SCLT1: variants seen among roughly 807,000 people sequenced by gnomAD.
The protein encoded by SCLT1 is sodium channel-associated protein 1.
Under a neutral mutation model 112.8 loss-of-function variants are expected in SCLT1, and 78 were observed. The observed-to-expected ratio is 0.69, with a 90% CI of 0.58 to 0.83. The LOEUF (loss-of-function observed/expected upper bound fraction) is 0.83, where lower values mean the gene tolerates loss of function less well. SCLT1 is among the 40% of genes least tolerant of loss of function. The pLI is 0.00. For synonymous variants in SCLT1, 257 were observed against 254.7 expected (o/e 1.01, Z -0.09); for missense variants, 747 against 770.4 (o/e 0.97, Z 0.36).
intron 5 of SCLT1, among the ~76,000 whole-genome samples, chr4:129,029,539 A>AG (rs1291252994): frequency 7.8e-6 from 1 of 127,806 alleles, no homozygotes; most frequent in East Asian, 2.6e-4. Flanking sequence ...GGGTGGAGGG[A>AG]GGGGGGAGGG....
chr4:129,009,391 G>A (rs1370867923), intron 5 of SCLT1, among the ~76,000 whole-genome samples: 1 of 152,098 alleles, frequency 6.6e-6, no homozygotes, highest in Non-Finnish European at 1.5e-5. Context: ...GTGGGCACCT[G>A]TAGTCCCAGC....
intron 5 of SCLT1, among the ~76,000 whole-genome samples, chr4:129,029,041 G>C (rs969759272): frequency 3.9e-5 from 6 of 152,158 alleles, no homozygotes; most frequent in African/African-American, 1.2e-4. Flanking sequence ...GTGCTGGAGA[G>C]GATGCGGAGA....
At chr4:128,884,569 G>A (rs1455058889) in intron 20 of SCLT1, 30 bp from the exon 21 acceptor site, 2 of 1,442,594 alleles carry the variant, frequency 1.4e-6, no homozygotes, top group Admixed American at 3.4e-5. Flanking sequence ...TCGGTAAGTA[G>A]TTACTTTTTC....
chr4:128,892,559 A>G (rs1190874758), intron 18 of SCLT1, among the ~76,000 whole-genome samples: 1 of 152,210 alleles, frequency 6.6e-6, no homozygotes. Flanking sequence ...AAAACTTGGT[A>G]AGCCTCTCAA....
intron 5 of SCLT1, chr4:129,036,960 A>G (rs892488286): frequency 1.3e-5 from 2 of 152,022 alleles, no homozygotes; most frequent in Non-Finnish European, 2.9e-5. Flanking sequence ...ACAAAAAATG[A>G]TGTATCAGAT....
In SCLT1 at chr4:128,928,249, G is replaced by A. The variant is rs1033797176; in HGVS notation, c.1829+8406C>T. ...TAAAATATACGAGATTACAGAAAAA[G>A]AAGGGCTACTCTCCAATTTGTTTTT... On this transcript the variant is annotated intron_variant, in intron 18 of 20. Coordinates refer to ENST00000281142, the MANE Select transcript of SCLT1 (RefSeq NM_144643.4). Among the ~76,000 whole-genome samples, 4 of 151,794 alleles carry A rather than the reference G, an allele frequency of 2.6e-5. 1 individual carries two copies. Among genetic ancestry groups the A allele is most frequent in the African/African-American group, 9.7e-5 (4 of 41,360 alleles).
chr4:129,001,372 CA>C (rs1314334420), intron 6 of SCLT1, among the ~76,000 whole-genome samples: 1 of 151,882 alleles, frequency 6.6e-6, no homozygotes, highest in East Asian at 1.9e-4. Flanking sequence ...ATCCATGTTT[CA>C]AAAAGCCCTC....
chr4:128,907,349 G>C (rs1469959858), intron 18 of SCLT1, among the ~76,000 whole-genome samples: 8 of 152,158 alleles, frequency 5.3e-5, no homozygotes, highest in African/African-American at 1.9e-4. Context: ...CAGTAATCCA[G>C]GTGAGCAATG....
At chr4:128,967,557 T>C (rs1740313992) in intron 10 of SCLT1, among the ~76,000 whole-genome samples, 1 of 152,244 alleles carries the variant, frequency 6.6e-6, no homozygotes, top group Non-Finnish European at 1.5e-5. Context: ...TTCTGACAGG[T>C]GTGAGATGGT....
rs60227965 is a variant in SCLT1 at position 129,073,675 on chromosome 4, G to A, written c.102+8631C>T. On this transcript the variant is annotated intron_variant, in intron 2 of 20. Transcript: ENST00000281142. ...CTACTTATAGATGCACAACAAATTA[G>A]TTATAGACCAATGAATAAATGAATT... 4.6e-3 allele frequency among the ~76,000 whole-genome samples: 685 copies of A among 150,542 alleles called. 4 individuals carry two copies. The highest frequency in any genetic ancestry group is 0.014 in the African/African-American group (583 of 40,536).
At chr4:129,012,765 T>C (rs994469982) in intron 5 of SCLT1, among the ~76,000 whole-genome samples, 2 of 148,386 alleles carry the variant, frequency 1.3e-5, no homozygotes, top group South Asian at 2.2e-4. Flanking sequence ...TTGAACCTTT[T>C]ACCATTATGT....
At chr4:129,036,956 A>G (rs905122366) in intron 5 of SCLT1, 1 of 151,994 alleles carries the variant, frequency 6.6e-6, no homozygotes, top group African/African-American at 2.4e-5. Flanking sequence ...GTCAACAAAA[A>G]ATGATGTATC....
At chr4:129,055,082 A>G (rs1427144271) in intron 2 of SCLT1, among the ~76,000 whole-genome samples, 2 of 152,154 alleles carry the variant, frequency 1.3e-5, no homozygotes, top group African/African-American at 4.8e-5. Context: ...TGGGTATTGT[A>G]TCATTAGCAG....
intron 2 of SCLT1, among the ~76,000 whole-genome samples, chr4:129,046,368 A>T (rs1457084785): frequency 1.3e-5 from 2 of 152,098 alleles, no homozygotes; most frequent in Non-Finnish European, 2.9e-5. Context: ...CCAAATCCTG[A>T]CTTCTAACAG....
At chr4:128,918,007 C>A (rs962860173) in intron 18 of SCLT1, among the ~76,000 whole-genome samples, 1 of 152,122 alleles carries the variant, frequency 6.6e-6, no homozygotes, top group East Asian at 1.9e-4. Context: ...GAAGAAAAAA[C>A]GTATTCTTCT....
At chr4:129,018,628 A>G (rs1208762151) in intron 5 of SCLT1, among the ~76,000 whole-genome samples, 1 of 152,218 alleles carries the variant, frequency 6.6e-6, no homozygotes, top group Non-Finnish European at 1.5e-5. Flanking sequence ...TATATAGTTT[A>G]TGCATGAAAG....
chr4:128,889,875 A>G (rs949308605), intron 19 of SCLT1, among the ~76,000 whole-genome samples: 1 of 152,246 alleles, frequency 6.6e-6, no homozygotes, highest in African/African-American at 2.4e-5. Flanking sequence ...AGAAACTTAT[A>G]GTTCCCATGT....
intron 18 of SCLT1, among the ~76,000 whole-genome samples, chr4:128,917,372 C>T (rs1735560493): frequency 6.6e-6 from 1 of 152,124 alleles, no homozygotes; most frequent in Non-Finnish European, 1.5e-5. Context: ...ATATTAAGAT[C>T]AACTACTGTT....
intron 5 of SCLT1, among the ~76,000 whole-genome samples, chr4:129,025,995 G>C (rs1462472615): frequency 9.9e-5 from 15 of 152,104 alleles, no homozygotes; most frequent in Admixed American, 9.8e-4. Flanking sequence ...AACAAGAAGA[G>C]CTAACTATCC....
Sources: gnomAD v4.1 joint callset for allele counts (sites outside exome capture counted in the v4.1 genomes callset) on GRCh38, gnomAD v4.1.1 for gene constraint, MANE v1.5 for transcripts, NCBI Gene and HGNC (gene_info 2026-07-23, HGNC 2026-07-21) for gene names.